The following UST variants were observed in gnomAD, a reference collection of about 807,000 sequenced individuals.
UST encodes the protein chondroitin sulfate 2-O-sulfotransferase.
UST carries 21 observed loss-of-function variants against 45.6 expected under a neutral mutation model. The ratio of observed to expected loss-of-function variants is 0.46; its 90% CI spans 0.33 to 0.66. UST has a LOEUF of 0.66. Among genes scored for constraint, UST ranks in the 30% least tolerant of loss-of-function variants. The pLI is 0.02. For missense variants in UST, 463 were observed against 512.4 expected (o/e 0.90, Z 0.93); for synonymous variants, 215 against 200.6 (o/e 1.07, Z -0.61).
At chr6:148,838,173 G>A (rs562375611) in intron 1 of UST, among the ~76,000 whole-genome samples, 1 of 152,338 alleles carries the variant, frequency 6.6e-6, no homozygotes, top group Admixed American at 6.5e-5. Flanking sequence ...CCACTCTCAG[G>A]AGGGGCCGTA....
At chr6:148,996,337 G>A (rs1009420058) in intron 5 of UST, among the ~76,000 whole-genome samples, 1 of 152,138 alleles carries the variant, frequency 6.6e-6, no homozygotes, top group Non-Finnish European at 1.5e-5. Context: ...TCCTCCCTCA[G>A]CCTCCCAAGT....
intron 1 of UST, among the ~76,000 whole-genome samples, chr6:148,874,719 A>G (rs1277106255): frequency 6.6e-6 from 1 of 152,152 alleles, no homozygotes; most frequent in Non-Finnish European, 1.5e-5. Flanking sequence ...CCTTCATCAC[A>G]GTGTTTTGGG....
intron 7 of UST, among the ~76,000 whole-genome samples, chr6:149,040,017 A>G (rs1275622572): frequency 6.6e-6 from 1 of 152,206 alleles, no homozygotes. Context: ...ATACCTGGAC[A>G]TGCCTACCTG....
chr6:148,854,221 C>T (rs1474826977), intron 1 of UST, among the ~76,000 whole-genome samples: 1 of 152,232 alleles, frequency 6.6e-6, no homozygotes, highest in Non-Finnish European at 1.5e-5. Flanking sequence ...GAGCTGCACA[C>T]CTGTCCCTGT....
chr6:148,752,000 T>C (rs989675349), intron 1 of UST, among the ~76,000 whole-genome samples: 4 of 152,198 alleles, frequency 2.6e-5, no homozygotes, highest in Non-Finnish European at 5.9e-5. Flanking sequence ...ATTTAGACTT[T>C]ATGGGAGCTA....
At chr6:148,961,637 G>C (rs887788794) in intron 4 of UST, among the ~76,000 whole-genome samples, 3 of 152,216 alleles carry the variant, frequency 2.0e-5, no homozygotes, top group African/African-American at 7.2e-5. Flanking sequence ...GTTAAATATT[G>C]GCTGAGTATA....
At chr6:148,860,966 T>C (rs1211558438) in intron 1 of UST, among the ~76,000 whole-genome samples, 9 of 152,210 alleles carry the variant, frequency 5.9e-5, no homozygotes, top group Non-Finnish European at 1.2e-4. Context: ...TCTGTTTTTG[T>C]TGTGTCTCTG....
intron 7 of UST, among the ~76,000 whole-genome samples, chr6:149,058,567 TG>T (rs916573615): frequency 6.6e-6 from 1 of 152,208 alleles, no homozygotes; most frequent in African/African-American, 2.4e-5. Context: ...GTATTTCTCT[TG>T]ATCTTCTTTA....
chr6:149,022,685 G>A (rs766087074), intron 7 of UST, among the ~76,000 whole-genome samples: 45 of 152,162 alleles, frequency 3.0e-4, no homozygotes, highest in Non-Finnish European at 3.7e-4. Flanking sequence ...CAGGGTTCCC[G>A]AACCCCACCT....
chr6:148,895,557 G>A (rs1779111145), intron 2 of UST, among the ~76,000 whole-genome samples: 1 of 152,178 alleles, frequency 6.6e-6, no homozygotes, highest in Admixed American at 6.5e-5. Context: ...ATCTCATCTT[G>A]AATTGTAGCT....
intron 5 of UST, among the ~76,000 whole-genome samples, chr6:149,002,874 C>T (rs1781579013): frequency 6.6e-6 from 1 of 152,060 alleles, no homozygotes; most frequent in South Asian, 2.1e-4. Flanking sequence ...TGAGAACTAC[C>T]AAGAAGATAT....
intron 1 of UST, among the ~76,000 whole-genome samples, chr6:148,806,055 T>C (rs923349039): frequency 4.0e-5 from 6 of 150,408 alleles, no homozygotes; most frequent in Admixed American, 1.3e-4. Context: ...GGCCTAAATA[T>C]ACATTTTGAG....
At chr6:148,805,912 A>C (rs1227494742) in intron 1 of UST, among the ~76,000 whole-genome samples, 2 of 152,228 alleles carry the variant, frequency 1.3e-5, no homozygotes, top group Non-Finnish European at 2.9e-5. Flanking sequence ...TAACTGCAGA[A>C]TTCTACCTTA....
rs576331594 is a variant in UST at position 149,000,332 on chromosome 6, T to C, written c.682-18807T>C. 3.8e-3 allele frequency among the ~76,000 whole-genome samples: 578 copies of C among 152,308 alleles called. 3 individuals carry two copies. In the Middle Eastern group the frequency reaches 0.048, roughly 13 times the overall value. Reference sequence around the variant, plus strand: ...CTCCTTTGTAAGCAAATGTGTAATATTCTCATTGCTCTCATAAGATGGGAA... The same window carrying C: ...CTCCTTTGTAAGCAAATGTGTAATACTCTCATTGCTCTCATAAGATGGGAA... On this transcript the variant is annotated intron_variant, in intron 5 of 7. Coordinates refer to ENST00000367463, the MANE Select transcript of UST (RefSeq NM_005715.3).
At chr6:148,826,725 G>A (rs572184763) in intron 1 of UST, among the ~76,000 whole-genome samples, 1 of 152,272 alleles carries the variant, frequency 6.6e-6, no homozygotes, top group African/African-American at 2.4e-5. Flanking sequence ...AAATCAAGGG[G>A]CCAGGAGGGC....
intron 2 of UST, among the ~76,000 whole-genome samples, chr6:148,897,713 AC>A (rs1779164165): frequency 6.7e-6 from 1 of 150,358 alleles, no homozygotes; most frequent in Non-Finnish European, 1.5e-5. Flanking sequence ...CTGGCCTTGA[AC>A]CCCTGGCTTC....
In UST at chr6:149,025,737, A is replaced by G. The variant is rs555194470; in HGVS notation, c.937+4256A>G. On this transcript the variant is annotated intron_variant, in intron 7 of 7. Transcript: ENST00000367463. The stretch of plus-strand genomic sequence containing the variant: ...TAAAAATGAGAAACTGAGGCCAGGT[A>G]TAGTGACTTGCACCTGTAATCCTAC... Among the ~76,000 whole-genome samples the G allele has an allele frequency of 4.7e-4, 71 of 152,338 alleles. 1 individual carries two copies. In the Middle Eastern group the frequency reaches 0.01, roughly 22 times the overall value.
chr6:149,065,165 G>A (rs143276825), intron 7 of UST, among the ~76,000 whole-genome samples: 250 of 152,164 alleles, frequency 1.6e-3, no homozygotes, highest in Non-Finnish European at 2.7e-3. Context: ...CCCTTCCCAA[G>A]GAATGCTACT....
In UST at chr6:148,965,154, C is replaced by G. The variant is rs1185785716; in HGVS notation, c.681+591C>G. Among the ~76,000 whole-genome samples, 5 of 152,144 alleles carry G rather than the reference C, an allele frequency of 3.3e-5. No individual in the cohort carries two copies. In the East Asian group the frequency reaches 9.6e-4, roughly 29 times the overall value. On this transcript the variant is annotated intron_variant, in intron 5 of 7. Coordinates refer to ENST00000367463, the MANE Select transcript of UST (RefSeq NM_005715.3). ...CCAGTAATTGTTTGCTTTCTCTGGA[C>G]TTGTTTTGGGACCCTCAGCTCCATA...
Sources: gnomAD v4.1 joint callset for allele counts (sites outside exome capture counted in the v4.1 genomes callset) on GRCh38, gnomAD v4.1.1 for gene constraint, MANE v1.5 for transcripts, NCBI Gene and HGNC (gene_info 2026-07-23, HGNC 2026-07-21) for gene names.